The following FOXRED2 variants were observed in gnomAD, a reference collection of about 807,000 sequenced individuals.
FOXRED2 encodes the protein FAD-dependent oxidoreductase domain-containing protein 2.
FOXRED2 carries 32 observed loss-of-function variants against 52.5 expected under a neutral mutation model. The ratio of observed to expected loss-of-function variants is 0.61; its 90% CI spans 0.46 to 0.82. The LOEUF (loss-of-function observed/expected upper bound fraction) is 0.82, where lower values mean the gene tolerates loss of function less well. Ranked by LOEUF, FOXRED2 falls within the 40% of genes least tolerant of loss-of-function variation. The probability of loss-of-function intolerance (pLI) is 0.00; values close to 1 mark genes in which losing one functional copy is unlikely to be tolerated. For synonymous variants in FOXRED2, 405 were observed against 398.1 expected (o/e 1.02, Z -0.21); for missense variants, 848 against 937.5 (o/e 0.90, Z 1.25).
rs749859337 is a variant in FOXRED2, at chr22:36,502,189, AAAC to A, written c.1050-785_1050-783del. 2.2e-3 allele frequency among the ~76,000 whole-genome samples: 321 copies of A among 148,678 alleles called. 1 individual carries two copies. The highest frequency in any genetic ancestry group is 5.3e-3 in the Admixed American group (80 of 14,964). On this transcript the variant is annotated intron_variant, in intron 4 of 8. Transcript: ENST00000397224. ...GTCTCAAACAAACAAACAAACAAAC[AAAC>A]AATGAAGTCAGGCCAGGCACAGTGG...
At position 36,489,808 on chromosome 22, in the gene FOXRED2, C is replaced by G. The variant is rs1603491745; in HGVS notation, c.*200G>C. Reference sequence around the variant, plus strand: ...CAGAGGATGCCCTTCTGCCCCCTGACAGGAGGGAGGAGACCACCGCATCCC... The same window carrying G: ...CAGAGGATGCCCTTCTGCCCCCTGAGAGGAGGGAGGAGACCACCGCATCCC... On this transcript the variant is annotated 3_prime_UTR_variant, in exon 9 of 9. Coordinates refer to ENST00000397224, the MANE Select transcript of FOXRED2 (RefSeq NM_001102371.2). 4.0e-6 allele frequency: 2 copies of G among 502,386 alleles called. No homozygotes were observed. The highest frequency in any genetic ancestry group is 6.7e-5 in the East Asian group (2 of 29,866). The allele number at this position is 502,386 out of a possible 1,614,324, so 31.1% of individuals were successfully genotyped here.
chr22:36,506,128 A>G lies in FOXRED2; in HGVS notation c.295T>C (p.Trp99Arg), dbSNP rs1934187439. ...GGGTCGTGGCTGAGCAGAGAGTTCC[A>G]GTCGTGGCGGAGGTTGAACTCGGCG... ...ANAEFNLRHD[W>R]NSLLSHDPRL... Residue 99 changes from tryptophan to arginine, a missense_variant, in exon 2 of 9, where the codon TGG becomes CGG. Trp to Arg is a moderately radical substitution (Grantham distance 101). Coordinates refer to ENST00000397224, the MANE Select transcript of FOXRED2 (RefSeq NM_001102371.2). The G allele has an allele frequency of 1.2e-6, 2 of 1,614,206 alleles. No homozygotes were observed. Among genetic ancestry groups the G allele is most frequent in the African/African-American group, 2.7e-5 (2 of 75,062 alleles).
intron 7 of FOXRED2, among the ~76,000 whole-genome samples, chr22:36,495,123 GCAT>G (rs1933862168): frequency 2.6e-5 from 4 of 151,986 alleles, no homozygotes; most frequent in Admixed American, 2.0e-4. Context: ...GCTAATTTTT[GCAT>G]TTTTTTCATG....
At chr22:36,501,451 G>C (rs1934044656) in intron 4 of FOXRED2, 44 bp from the exon 5 acceptor site, 1 of 1,589,192 alleles carries the variant, frequency 6.3e-7, no homozygotes, top group East Asian at 2.2e-5. Flanking sequence ...TGCTATGTAA[G>C]AGGCACTTAT....
intron 8 of FOXRED2, among the ~76,000 whole-genome samples, chr22:36,493,291 T>C (rs1312230949): frequency 6.6e-6 from 1 of 151,996 alleles, no homozygotes; most frequent in Non-Finnish European, 1.5e-5. Flanking sequence ...ATAAAAAAAT[T>C]AGTTGGGCAT....
In FOXRED2 at chr22:36,504,138, G is replaced by A. The variant is rs771772376; in HGVS notation, c.1009C>T (p.Arg337Cys). The A allele has an allele frequency of 1.1e-5, 18 of 1,614,110 alleles. No homozygotes were observed. Among genetic ancestry groups the A allele is most frequent in the Middle Eastern group, 1.6e-4 (1 of 6,082 alleles). ...AAGTCAAAGTTCCAGCCCAGGCAGC[G>A]GATTACCCGGTCATAGGGCACGCGC... ...AMRVPYDRVI[R>C]CLGWNFDFSI... Residue 337 changes from arginine to cysteine, a missense_variant, in exon 4 of 9, where the codon CGC (arginine) becomes TGC (cysteine). Coordinates refer to ENST00000397224, the MANE Select transcript of FOXRED2 (RefSeq NM_001102371.2).
chr22:36,504,071 G>A, intron 4 of FOXRED2, 27 bp downstream of exon 4: 3 of 1,604,612 alleles, frequency 1.9e-6, no homozygotes, highest in Middle Eastern at 1.7e-4. Context: ...TGCTAGGAGA[G>A]CCCACCTCCT....
At position 36,501,395 on chromosome 22, in the gene FOXRED2, A is replaced by C; in HGVS notation, c.1062T>G (p.Leu354=). 1 of 1,614,066 alleles carries C rather than the reference A, an allele frequency of 6.2e-7. No individual in the cohort carries two copies. The part of the protein sequence containing the change: ...DFSIFNKSLR[L]NSGNAFGKKY... ...TCTTGCCGAATGCATTTCCCGAGTTAAGTCTGAGGGACCTGTCAGTGGAAA... is the reference window on the plus strand; with the variant it reads ...TCTTGCCGAATGCATTTCCCGAGTTCAGTCTGAGGGACCTGTCAGTGGAAA... The change falls in exon 5 of 9, where the codon CTT becomes CTG. Residue 354 remains leucine, a synonymous_variant. Transcript: ENST00000397224.
rs1298504781 is a variant in FOXRED2 at position 36,489,328 on chromosome 22, A to G, written c.*680T>C. The G allele has an allele frequency of 6.6e-6, 1 of 152,228 alleles. No individual in the cohort carries two copies. The highest frequency in any genetic ancestry group is 1.5e-5 in the Non-Finnish European group (1 of 68,050). 9.4% of individuals were successfully genotyped at this position (152,228 alleles called of 1,614,324 possible). A position where few individuals can be genotyped will look rare whatever the true frequency, so the allele number is the denominator to read the frequency against. Reference sequence around the variant, plus strand: ...AGATGGCTTTGCAGGGAGCTGTCCTATCGCTGCTCGAGATCAGCCTGCTGG... The same window carrying G: ...AGATGGCTTTGCAGGGAGCTGTCCTGTCGCTGCTCGAGATCAGCCTGCTGG... On this transcript the variant is annotated 3_prime_UTR_variant, in exon 9 of 9. Coordinates refer to ENST00000397224, the MANE Select transcript of FOXRED2 (RefSeq NM_001102371.2).
chr22:36,504,957 G>C (rs1360664974), intron 2 of FOXRED2, among the ~76,000 whole-genome samples, 191 bp from the exon 3 acceptor site: 5 of 152,132 alleles, frequency 3.3e-5, no homozygotes, highest in African/African-American at 1.2e-4. Context: ...CACTTGAGAG[G>C]CTCTGCCCTT....
intron 7 of FOXRED2, among the ~76,000 whole-genome samples, chr22:36,494,510 T>C (rs148252085): frequency 3.9e-5 from 6 of 152,342 alleles, no homozygotes; most frequent in African/African-American, 1.4e-4. Context: ...AGCTTCTCCC[T>C]GGTGTGGGCT....
intron 4 of FOXRED2, among the ~76,000 whole-genome samples, chr22:36,502,091 C>T (rs908413140): frequency 6.6e-6 from 1 of 152,100 alleles, no homozygotes; most frequent in African/African-American, 2.4e-5. Context: ...ATCGCTTGAA[C>T]CTAGGAGGCA....
chr22:36,498,356 G>A (rs1933959866), intron 5 of FOXRED2, 200 bp from the exon 6 acceptor site: 1 of 592,464 alleles, frequency 1.7e-6, no homozygotes, highest in African/African-American at 1.9e-5. Flanking sequence ...GGTATTTTCT[G>A]GAAAGGGCCA....
chr22:36,491,252 G>C (rs1933748888), intron 8 of FOXRED2, among the ~76,000 whole-genome samples: 1 of 152,214 alleles, frequency 6.6e-6, no homozygotes, highest in Non-Finnish European at 1.5e-5. Flanking sequence ...CTAGGTCTGG[G>C]AGTTCCTCGT....
rs1381042090 is a variant in FOXRED2 at position 36,488,512 on chromosome 22, GGCCTCCCAAAGTGCT to G, written c.*1481_*1495del. 1 of 152,100 alleles carries G rather than the reference GGCCTCCCAAAGTGCT, an allele frequency of 6.6e-6. No individual in the cohort carries two copies. Among genetic ancestry groups the G allele is most frequent in the African/African-American group, 2.4e-5 (1 of 41,378 alleles). 9.4% of individuals were successfully genotyped at this position (152,100 alleles called of 1,614,324 possible). ...TGAGCTCAGGTGATCGGCCCACTTT[GGCCTCCCAAAGTGCT>G]GGGATTACAGGTGTAAGCAACTGTA... On this transcript the variant is annotated 3_prime_UTR_variant, in exon 9 of 9. Transcript: ENST00000397224.
At chr22:36,497,358 A>G (rs1181918957) in intron 6 of FOXRED2, among the ~76,000 whole-genome samples, 3 of 151,864 alleles carry the variant, frequency 2.0e-5, no homozygotes, top group Non-Finnish European at 4.4e-5. Context: ...AAAGAGGGGC[A>G]GGGGCATGGA....
Position 36,506,379 on chromosome 22 carries a change from A to T in FOXRED2, c.44T>A (p.Leu15Gln). 2 of 1,444,526 alleles carry T rather than the reference A, an allele frequency of 1.4e-6. No homozygotes were observed. Among genetic ancestry groups the T allele is most frequent in the African/African-American group, 1.4e-5 (1 of 70,140 alleles). The allele number at this position is 1,444,526 out of a possible 1,614,324, so 89.5% of individuals were successfully genotyped here. The change falls in exon 2 of 9, where the codon CTG becomes CAG. Residue 15 changes from leucine (L) to glutamine (Q), a missense_variant. Coordinates refer to ENST00000397224, the MANE Select transcript of FOXRED2 (RefSeq NM_001102371.2). ...AAAPLWGPPG[L>Q]LLAIALHPAL... The stretch of plus-strand genomic sequence containing the variant: ...TGGGTGCAGGGCGATGGCCAGGAGC[A>T]GCCCCGGGGGACCCCACAACGGGGC...
intron 5 of FOXRED2, among the ~76,000 whole-genome samples, chr22:36,499,075 C>T (rs1011543986): frequency 2.6e-5 from 4 of 152,060 alleles, no homozygotes; most frequent in African/African-American, 7.2e-5. Context: ...GTAGGGATTA[C>T]AAGCCTGGCT....
chr22:36,501,198 T>C lies in FOXRED2; in HGVS notation c.1216+43A>G, dbSNP rs1934032018. 5 of 1,597,320 alleles carry C rather than the reference T, an allele frequency of 3.1e-6. No individual in the cohort carries two copies. In the African/African-American group the frequency reaches 6.7e-5, roughly 21 times the overall value. On this transcript the variant is annotated intron_variant, in intron 5 of 8. Transcript: ENST00000397224. The stretch of plus-strand genomic sequence containing the variant: ...TTTATAAACCCTGGGATGCTGAGAG[T>C]GGTTCCGTCTGGGGACAGTTCTGCC...
Sources: gnomAD v4.1 joint callset for allele counts (sites outside exome capture counted in the v4.1 genomes callset) on GRCh38, gnomAD v4.1.1 for gene constraint, MANE v1.5 for transcripts, NCBI Gene and HGNC (gene_info 2026-07-23, HGNC 2026-07-21) for gene names.